Variants in PCCA observed in about 807,000 individuals in gnomAD.
The protein encoded by PCCA is propionyl-CoA carboxylase subunit alpha.
A neutral mutation model predicts 101.3 loss-of-function variants in PCCA; 74 were observed. The ratio of observed to expected loss-of-function variants is 0.73; its 90% CI spans 0.61 to 0.89. The LOEUF (loss-of-function observed/expected upper bound fraction) is 0.89, where lower values mean the gene tolerates loss of function less well. Ranked by LOEUF, PCCA falls within the 40% of genes least tolerant of loss-of-function variation. The probability of loss-of-function intolerance (pLI) is 0.00; values close to 1 mark genes in which losing one functional copy is unlikely to be tolerated. For missense variants in PCCA, 891 were observed against 907.0 expected (o/e 0.98, Z 0.23); for synonymous variants, 294 against 313.6 (o/e 0.94, Z 0.66).
intron 7 of PCCA, among the ~76,000 whole-genome samples, chr13:100,231,101 T>C (rs1265484967): frequency 1.3e-5 from 2 of 152,204 alleles, no homozygotes; most frequent in Non-Finnish European, 2.9e-5. Flanking sequence ...GGATTAGAGA[T>C]CCCCTGTTGT....
chr13:100,108,595 G>A (rs900761958), intron 2 of PCCA, among the ~76,000 whole-genome samples: 5 of 152,118 alleles, frequency 3.3e-5, no homozygotes, highest in African/African-American at 1.2e-4. Context: ...TGCTGTTCAT[G>A]TGCTCCCTTC....
intron 20 of PCCA, among the ~76,000 whole-genome samples, chr13:100,426,502 C>A (rs932768410): frequency 1.8e-4 from 28 of 152,078 alleles, no homozygotes; most frequent in Admixed American, 1.3e-3. Context: ...GTTTTAAAAA[C>A]CTTGAGAAAT....
chr13:100,209,481 C>T lies in PCCA; in HGVS notation c.600+18C>T. 1 of 1,604,868 alleles carries T rather than the reference C, an allele frequency of 6.2e-7. No homozygotes were observed. Among genetic ancestry groups the T allele is most frequent in the Non-Finnish European group, 8.5e-7 (1 of 1,171,826 alleles). On this transcript the variant is annotated intron_variant, in intron 7 of 23. Coordinates refer to ENST00000376285, the MANE Select transcript of PCCA (RefSeq NM_000282.4). ...TAGTCAAGGTGAGAAGCTACTTTAA[C>T]TTTTATTGTATATGTCTTCAAGTTA...
intron 22 of PCCA, among the ~76,000 whole-genome samples, chr13:100,524,989 A>G (rs2087647433): frequency 9.5e-6 from 1 of 105,280 alleles, no homozygotes; most frequent in Non-Finnish European, 2.2e-5. Flanking sequence ...AGATGGATAG[A>G]TAGATAGATA....
intron 21 of PCCA, among the ~76,000 whole-genome samples, chr13:100,453,489 AAGAAG>A (rs540664994): frequency 4.5e-4 from 63 of 140,794 alleles, no homozygotes; most frequent in African/African-American, 1.7e-3. Context: ...AAAAAAAAAA[AAGAAG>A]AAGAAGAAAC....
chr13:100,264,845 CG>C, intron 10 of PCCA, among the ~76,000 whole-genome samples: 1 of 152,252 alleles, frequency 6.6e-6, no homozygotes, highest in Admixed American at 6.5e-5. Flanking sequence ...CCCCTGCCAA[CG>C]TGTGATATTT....
At chr13:100,255,781 G>A (rs182974592) in intron 8 of PCCA, among the ~76,000 whole-genome samples, 15 of 152,234 alleles carry the variant, frequency 9.9e-5, no homozygotes, top group East Asian at 9.7e-4. Flanking sequence ...ATTAAAACTC[G>A]TGCATAATCT....
In PCCA at chr13:100,380,563, G is replaced by A. The variant is rs549830561; in HGVS notation, c.1746+11989G>A. Among the ~76,000 whole-genome samples the A allele has an allele frequency of 1.9e-4, 29 of 152,282 alleles. No homozygotes were observed. The South Asian group carries it at 5.8e-3, about 30-fold the overall frequency. On this transcript the variant is annotated intron_variant, in intron 19 of 23. Transcript: ENST00000376285. Reference sequence around the variant, plus strand: ...TGGTCAATTGATCTTTGACAAAGGTGCCAAAATAATTCAATGGTAAAAAGA... The same window carrying A: ...TGGTCAATTGATCTTTGACAAAGGTACCAAAATAATTCAATGGTAAAAAGA...
chr13:100,168,060 A>G (rs2055238142), intron 6 of PCCA, among the ~76,000 whole-genome samples: 1 of 152,156 alleles, frequency 6.6e-6, no homozygotes, highest in African/African-American at 2.4e-5. Context: ...TCTCTCTCAG[A>G]ACTTCCTTAC....
chr13:100,306,299 TC>T (rs1480647483), intron 14 of PCCA, among the ~76,000 whole-genome samples: 1 of 152,200 alleles, frequency 6.6e-6, no homozygotes, highest in East Asian at 1.9e-4. Flanking sequence ...GTCCTGCTGT[TC>T]CAGCAGCTTT....
intron 7 of PCCA, among the ~76,000 whole-genome samples, chr13:100,211,461 T>C (rs2152482600): frequency 6.6e-6 from 1 of 152,346 alleles, no homozygotes; most frequent in East Asian, 1.9e-4. Flanking sequence ...TGATCTTATA[T>C]CAATCTTTGA....
intron 21 of PCCA, among the ~76,000 whole-genome samples, chr13:100,452,617 C>T (rs1441629282): frequency 1.3e-5 from 2 of 151,762 alleles, no homozygotes; most frequent in Non-Finnish European, 2.9e-5. Flanking sequence ...TCACTCTTTC[C>T]AACATCTTAT....
At chr13:100,360,665 C>T (rs1595576450) in intron 18 of PCCA, among the ~76,000 whole-genome samples, 1 of 152,178 alleles carries the variant, frequency 6.6e-6, no homozygotes, top group African/African-American at 2.4e-5. Context: ...CCGAACACCA[C>T]GTGCTGCTGA....
intron 21 of PCCA, among the ~76,000 whole-genome samples, chr13:100,487,955 C>T (rs2084526169): frequency 2.0e-5 from 3 of 152,086 alleles, no homozygotes; most frequent in Admixed American, 6.5e-5. Context: ...GTGTTGAACT[C>T]CTAGGCTCAA....
intron 21 of PCCA, among the ~76,000 whole-genome samples, chr13:100,514,314 G>T (rs910073219): frequency 2.6e-5 from 4 of 152,174 alleles, no homozygotes; most frequent in African/African-American, 9.7e-5. Flanking sequence ...AGTAGGCCCT[G>T]TGAAGAGGCA....
intron 16 of PCCA, among the ~76,000 whole-genome samples, chr13:100,320,860 C>T (rs1015869803): frequency 2.6e-5 from 4 of 152,064 alleles, no homozygotes; most frequent in African/African-American, 9.7e-5. Context: ...CAAGTGATCT[C>T]CCTGCCTCTG....
At chr13:100,102,759 T>C in intron 1 of PCCA, 124 bp from the exon 2 acceptor site, 1 of 695,608 alleles carries the variant, frequency 1.4e-6, no homozygotes, top group Admixed American at 2.1e-5. Context: ...TTATGGTATA[T>C]TGCCTAGAAC....
At chr13:100,345,817 C>T (rs2072114734) in intron 18 of PCCA, among the ~76,000 whole-genome samples, 1 of 152,086 alleles carries the variant, frequency 6.6e-6, no homozygotes, top group African/African-American at 2.4e-5. Flanking sequence ...AAGTAGAAGC[C>T]AGTGCTCATT....
chr13:100,332,074 G>A (rs2069697132), intron 17 of PCCA, among the ~76,000 whole-genome samples: 1 of 151,830 alleles, frequency 6.6e-6, no homozygotes, highest in Admixed American at 6.6e-5. Flanking sequence ...AAGTAGTTGG[G>A]ATTACAGGCA....
Sources: allele counts gnomAD v4.1 joint callset (sites outside exome capture counted in the v4.1 genomes callset), GRCh38; gene constraint gnomAD v4.1.1; transcripts MANE v1.5; gene names NCBI Gene and HGNC (gene_info 2026-07-23, HGNC 2026-07-21).